CNTNAP2: variants seen among roughly 807,000 people sequenced by gnomAD.
CNTNAP2 encodes the protein contactin-associated protein-like 2.
Under a neutral mutation model 155.2 loss-of-function variants are expected in CNTNAP2, and 98 were observed. That is an observed-to-expected ratio of 0.63 (90% CI 0.54 to 0.75). The LOEUF is 0.75. Among genes scored for constraint, CNTNAP2 ranks in the 30% least tolerant of loss-of-function variants. CNTNAP2 has a pLI of 0.00. For synonymous variants in CNTNAP2, 651 were observed against 631.2 expected, an observed-to-expected ratio of 1.03 and a Z score of -0.47; for missense variants, 1,727 against 1,688.1, an observed-to-expected ratio of 1.02 and a Z score of -0.40.
At chr7:146,476,222 A>C (rs1380328142) in intron 1 of CNTNAP2, among the ~76,000 whole-genome samples, 1 of 152,196 alleles carries the variant, frequency 6.6e-6, no homozygotes, top group Non-Finnish European at 1.5e-5. Flanking sequence ...TTTAGTTACA[A>C]GAACAAATTT....
At chr7:147,027,129 T>C (rs1044706660) in intron 3 of CNTNAP2, among the ~76,000 whole-genome samples, 3 of 152,176 alleles carry the variant, frequency 2.0e-5, no homozygotes, top group Admixed American at 1.3e-4. Context: ...TCACTCTTTC[T>C]TCCCCTTAAT....
intron 13 of CNTNAP2, among the ~76,000 whole-genome samples, chr7:147,640,291 A>G (rs368039183): frequency 9.2e-5 from 14 of 152,176 alleles, no homozygotes; most frequent in African/African-American, 3.1e-4. Flanking sequence ...TAATAAATAC[A>G]TTGCTATTAA....
Position 147,224,137 on chromosome 7 carries a change from C to T in CNTNAP2, c.1349-76004C>T, listed in dbSNP as rs566093716. On this transcript the variant is annotated intron_variant, in intron 8 of 23. Coordinates refer to ENST00000361727, the MANE Select transcript of CNTNAP2 (RefSeq NM_014141.6). Reference sequence around the variant, plus strand: ...TCTGTCTCTTTAATCTGGGGGGCAGCAGTTTGCCCTGTGACCTTACTTCTG... The same window carrying T: ...TCTGTCTCTTTAATCTGGGGGGCAGTAGTTTGCCCTGTGACCTTACTTCTG... Among the ~76,000 whole-genome samples the T allele has an allele frequency of 4.6e-5, 7 of 152,156 alleles. 1 individual carries two copies. The highest frequency in any genetic ancestry group is 3.9e-4 in the Admixed American group (6 of 15,280).
chr7:148,191,276 C>T (rs2116717582), intron 18 of CNTNAP2, among the ~76,000 whole-genome samples: 1 of 152,132 alleles, frequency 6.6e-6, no homozygotes, highest in South Asian at 2.1e-4. Flanking sequence ...CTCTCTCTCC[C>T]TCTCCTCTTT....
rs536112293 is a variant in CNTNAP2, at chr7:146,776,996, A to G, written c.208+2615A>G. Among the ~76,000 whole-genome samples, 8 of 152,236 alleles carry G rather than the reference A, an allele frequency of 5.3e-5. No individual in the cohort carries two copies. The East Asian group carries it at 1.5e-3, about 29-fold the overall frequency. On this transcript the variant is annotated intron_variant, in intron 2 of 23. Transcript: ENST00000361727. ...ATATCTACCTAGATGATTGACAGGTAGGTAGGTAGGTAGATAGAGAGAAAT... is the reference window on the plus strand; with the variant it reads ...ATATCTACCTAGATGATTGACAGGTGGGTAGGTAGGTAGATAGAGAGAAAT...
chr7:147,359,914 CTTA>C (rs1237880762), intron 9 of CNTNAP2, among the ~76,000 whole-genome samples: 1 of 152,020 alleles, frequency 6.6e-6, no homozygotes, highest in Non-Finnish European at 1.5e-5. Flanking sequence ...TATTCATTTG[CTTA>C]TTGTTTTTTA....
At chr7:146,631,992 A>G (rs1042715419) in intron 1 of CNTNAP2, among the ~76,000 whole-genome samples, 5 of 152,150 alleles carry the variant, frequency 3.3e-5, no homozygotes, top group African/African-American at 1.2e-4. Context: ...ATTTACTCCA[A>G]CCATTCATAT....
chr7:147,977,796 C>A, intron 14 of CNTNAP2, 66 bp from the exon 15 acceptor site: 1 of 1,605,478 alleles, frequency 6.2e-7, no homozygotes, highest in South Asian at 1.1e-5. Flanking sequence ...ACGTAAGCAA[C>A]TAGCAGAAAA....
intron 8 of CNTNAP2, among the ~76,000 whole-genome samples, chr7:147,240,206 C>T (rs1803905658): frequency 6.6e-6 from 1 of 152,166 alleles, no homozygotes. Context: ...GCCTCTCGTT[C>T]CTGCTACTCA....
At chr7:146,864,990 T>TAAAAAAAAAAAAAAAAA (rs55646482) in intron 3 of CNTNAP2, among the ~76,000 whole-genome samples, 1 of 84,030 alleles carries the variant, frequency 1.2e-5, no homozygotes, top group Non-Finnish European at 2.2e-5. Flanking sequence ...AGAGTCTATC[T>TAAAAAAAAAAAAAAAAA]AAAAAAAAAA....
intron 21 of CNTNAP2, among the ~76,000 whole-genome samples, chr7:148,350,140 T>TAC (rs1017021464): frequency 6.6e-6 from 1 of 152,114 alleles, no homozygotes; most frequent in Non-Finnish European, 1.5e-5. Context: ...TAATTGAAGG[T>TAC]ACAAAAATGG....
chr7:148,259,179 T>TAAAAAAAAAA (rs34229180), intron 20 of CNTNAP2, among the ~76,000 whole-genome samples: 6 of 24,026 alleles, frequency 2.5e-4, no homozygotes, highest in African/African-American at 9.0e-4. Flanking sequence ...AACTCCGTCT[T>TAAAAAAAAAA]AAAAAAAAAA....
At chr7:148,249,287 G>A (rs987111870) in intron 20 of CNTNAP2, among the ~76,000 whole-genome samples, 4 of 152,156 alleles carry the variant, frequency 2.6e-5, no homozygotes, top group African/African-American at 9.7e-5. Flanking sequence ...TCCACTTAAA[G>A]GCAGCATCTG....
At chr7:147,950,698 G>A (rs1171771812) in intron 14 of CNTNAP2, among the ~76,000 whole-genome samples, 1 of 152,188 alleles carries the variant, frequency 6.6e-6, no homozygotes, top group African/African-American at 2.4e-5. Context: ...TTTGGCATAA[G>A]GATTATGTTG....
At chr7:148,097,661 T>C (rs1804002116) in intron 15 of CNTNAP2, among the ~76,000 whole-genome samples, 1 of 152,164 alleles carries the variant, frequency 6.6e-6, no homozygotes, top group African/African-American at 2.4e-5. Context: ...ATTACTGATG[T>C]GATAACAAGG....
intron 12 of CNTNAP2, among the ~76,000 whole-genome samples, chr7:147,601,098 A>G (rs1475002866): frequency 1.3e-5 from 2 of 152,170 alleles, no homozygotes; most frequent in Non-Finnish European, 2.9e-5. Flanking sequence ...CCCGTTACTC[A>G]GCCTCAACAG....
intron 3 of CNTNAP2, among the ~76,000 whole-genome samples, chr7:146,976,437 C>A (rs745726689): frequency 6.6e-6 from 1 of 152,140 alleles, no homozygotes; most frequent in Non-Finnish European, 1.5e-5. Flanking sequence ...TTCTGACTGA[C>A]CAGCTGTAAG....
intron 1 of CNTNAP2, among the ~76,000 whole-genome samples, chr7:146,142,087 T>C (rs780236186): frequency 1.4e-4 from 22 of 152,200 alleles, no homozygotes; most frequent in Non-Finnish European, 2.2e-4. Flanking sequence ...ATATTGCAAT[T>C]AACTTTCACA....
chr7:146,230,114 T>C (rs1309632702), intron 1 of CNTNAP2, among the ~76,000 whole-genome samples: 1 of 152,186 alleles, frequency 6.6e-6, no homozygotes, highest in East Asian at 1.9e-4. Flanking sequence ...TAATAAAAAA[T>C]TGTATTAAAT....
Sources: gnomAD v4.1 joint callset for allele counts (sites outside exome capture counted in the v4.1 genomes callset) on GRCh38, gnomAD v4.1.1 for gene constraint, MANE v1.5 for transcripts, NCBI Gene and HGNC (gene_info 2026-07-23, HGNC 2026-07-21) for gene names.